The following ACTR1B variants were observed in gnomAD, a reference collection of about 807,000 sequenced individuals.
ACTR1B encodes actin related protein 1B, also known as beta-centractin.
In ACTR1B, 34 loss-of-function variants were observed where a neutral mutation model predicts 49.4. The ratio of observed to expected loss-of-function variants is 0.69; its 90% CI spans 0.52 to 0.92. The LOEUF is 0.92. ACTR1B is among the 40% of genes least tolerant of loss of function. ACTR1B has a pLI of 0.00. For missense variants in ACTR1B, 471 were observed against 522.4 expected (o/e 0.90, Z 0.96); for synonymous variants, 207 against 207.8 (o/e 1.00, Z 0.03).
chr2:97,660,839 G>A (rs1674993421), intron 2 of ACTR1B, among the ~76,000 whole-genome samples, 193 bp from the exon 3 acceptor site: 1 of 152,200 alleles, frequency 6.6e-6, no homozygotes, highest in African/African-American at 2.4e-5. Context: ...AGGACGAGAA[G>A]CTCAGGGTCA....
intron 1 of ACTR1B, 90 bp downstream of exon 1, chr2:97,663,753 G>C: frequency 2.5e-6 from 2 of 813,502 alleles, no homozygotes; most frequent in Non-Finnish European, 3.2e-6. Flanking sequence ...AGCGGAGGAC[G>C]CGCCGAGGCG....
rs530238629 is a variant in ACTR1B, at chr2:97,658,796, A to G, written c.440+83T>C. ...ACAGTCATCAAGGGGCTGTTTTTCC[A>G]GGGAAGTCAGACCCTGGTCATGGCA... On this transcript the variant is annotated intron_variant, in intron 5 of 10. Transcript: ENST00000289228. This position sits in a 1 kb window ranked among gnomAD's most constrained non-coding sequence, Gnocchi z 5.9. 14 of 1,604,458 alleles carry G rather than the reference A, an allele frequency of 8.7e-6. No individual in the cohort carries two copies. The Admixed American group carries it at 2.0e-4, about 23-fold the overall frequency.
In ACTR1B at chr2:97,658,704, G is replaced by A; in HGVS notation, c.441-61C>T. The A allele has an allele frequency of 6.3e-7, 1 of 1,599,540 alleles. No homozygotes were observed. The highest frequency in any genetic ancestry group is 1.7e-5 in the Admixed American group (1 of 59,964). ...TGAGGCACGGGGACCTCCTCACCCA[G>A]GGGAGGAACCCTGGCACATCTGCAT... On this transcript the variant is annotated intron_variant, in intron 5 of 10. Transcript: ENST00000289228. The surrounding 1 kb of genome is among the most constrained non-coding windows in gnomAD (Gnocchi z 5.9).
At position 97,656,542 on chromosome 2, in the gene ACTR1B, G is replaced by T. The variant is rs1291116617; in HGVS notation, c.*316C>A. The T allele has an allele frequency of 1.3e-5, 4 of 307,340 alleles. No homozygotes were observed. In the East Asian group the frequency reaches 3.1e-4, roughly 24 times the overall value. 19.0% of individuals were successfully genotyped at this position (307,340 alleles called of 1,614,324 possible). A position where few individuals can be genotyped will look rare whatever the true frequency, so the allele number is the denominator to read the frequency against. ...AGGCATTCTGGCCCTGGAGCTCAGGGAGGCAGCCCTGAGAGTCGGAGCAGG... is the reference window on the plus strand; with the variant it reads ...AGGCATTCTGGCCCTGGAGCTCAGGTAGGCAGCCCTGAGAGTCGGAGCAGG... On this transcript the variant is annotated 3_prime_UTR_variant, in exon 11 of 11. Transcript: ENST00000289228.
intron 3 of ACTR1B, among the ~76,000 whole-genome samples, chr2:97,660,147 C>G: frequency 6.6e-6 from 1 of 152,354 alleles, no homozygotes; most frequent in East Asian, 1.9e-4. Flanking sequence ...GGCGCCTAAA[C>G]TGCCCTTGGC....
chr2:97,663,042 G>A (rs902829111), intron 1 of ACTR1B, among the ~76,000 whole-genome samples: 4 of 152,160 alleles, frequency 2.6e-5, no homozygotes, highest in African/African-American at 9.7e-5. Context: ...CCCGCACACC[G>A]GACGCACATA....
rs1674914495 is a variant in ACTR1B, at chr2:97,658,366, T to C, written c.658-50A>G. The C allele has an allele frequency of 6.2e-7, 1 of 1,613,092 alleles. No individual in the cohort carries two copies. Among genetic ancestry groups the C allele is most frequent in the Non-Finnish European group, 8.5e-7 (1 of 1,179,220 alleles). On this transcript the variant is annotated intron_variant, in intron 6 of 10. Coordinates refer to ENST00000289228, the MANE Select transcript of ACTR1B (RefSeq NM_005735.4). The surrounding 1 kb of genome is among the most constrained non-coding windows in gnomAD (Gnocchi z 5.9). ...CAGAAGGCTGCACCTGGGACACCTG[T>C]GCCTTGGTGCCACCCTTTCCTCACC...
rs1317888658 is a variant in ACTR1B, at chr2:97,656,639, G to T, written c.*219C>A. ...CTGACATGGCGCTCAATTCCCACAC[G>T]CCAGCTCAAGGCTCCTGTCCATGCA... On this transcript the variant is annotated 3_prime_UTR_variant, in exon 11 of 11. Coordinates refer to ENST00000289228, the MANE Select transcript of ACTR1B (RefSeq NM_005735.4). The T allele has an allele frequency of 1.1e-5, 6 of 539,930 alleles. No homozygotes were observed. Among genetic ancestry groups the T allele is most frequent in the Admixed American group, 3.2e-5 (1 of 31,224 alleles). The allele number at this position is 539,930 out of a possible 1,614,324, so 33.4% of individuals were successfully genotyped here.
Position 97,658,041 on chromosome 2 carries a change from T to C in ACTR1B, c.827A>G (p.His276Arg). Reference sequence around the variant, plus strand: ...GTGTATGGCGAAGGCCACCACCTCATGGAGCCCCTCACTCTCATCCCCGAC... The same window carrying C: ...GTGTATGGCGAAGGCCACCACCTCACGGAGCCCCTCACTCTCATCCCCGAC... ...DLVGDESEGL[H>R]EVVAFAIHKS... The change falls in exon 8 of 11, where the codon CAT (histidine) becomes CGT (arginine). Residue 276 changes from histidine to arginine, a missense_variant. Transcript: ENST00000289228. This position sits in a 1 kb window ranked among gnomAD's most constrained non-coding sequence, Gnocchi z 5.9. The C allele has an allele frequency of 6.2e-7, 1 of 1,614,124 alleles. No homozygotes were observed. The highest frequency in any genetic ancestry group is 1.1e-5 in the South Asian group (1 of 91,086).
intron 9 of ACTR1B, 63 bp from the exon 10 acceptor site, chr2:97,657,255 T>C: frequency 1.3e-6 from 2 of 1,592,836 alleles, no homozygotes; most frequent in Non-Finnish European, 1.7e-6. Flanking sequence ...CTCCCAGCCT[T>C]GGGGTCACCT....
intron 8 of ACTR1B, 44 bp downstream of exon 8, chr2:97,657,899 C>CCCTGGGCCTCGTCT (rs1469924671): frequency 6.2e-7 from 1 of 1,600,740 alleles, no homozygotes; most frequent in African/African-American, 1.3e-5. Context: ...GGTCCAGCTG[C>CCCTGGGCCTCGTCT]CCTGGGCCTC....
At chr2:97,660,724 A>C in intron 2 of ACTR1B, 78 bp from the exon 3 acceptor site, 2 of 1,418,268 alleles carry the variant, frequency 1.4e-6, no homozygotes, top group Non-Finnish European at 2.0e-6. Flanking sequence ...AAATCCAACC[A>C]TAGTCGCCCA....
At chr2:97,661,573 G>C (rs1675011778) in intron 2 of ACTR1B, among the ~76,000 whole-genome samples, 1 of 152,164 alleles carries the variant, frequency 6.6e-6, no homozygotes, top group Non-Finnish European at 1.5e-5. Context: ...CCGAGTTTAG[G>C]GCTCCCCTCG....
Position 97,659,225 on chromosome 2 carries a change from C to A in ACTR1B, c.315+127G>T. On this transcript the variant is annotated intron_variant, in intron 4 of 10. Coordinates refer to ENST00000289228, the MANE Select transcript of ACTR1B (RefSeq NM_005735.4). This position sits in a 1 kb window ranked among gnomAD's most constrained non-coding sequence, Gnocchi z 4.0. ...CTGGGTACGTATGCGCACCCAGACA[C>A]ACACGGAAAGGCAGCAGGCCCTCTA... 1 of 1,490,650 alleles carries A rather than the reference C, an allele frequency of 6.7e-7. No individual in the cohort carries two copies. Among genetic ancestry groups the A allele is most frequent in the Non-Finnish European group, 9.1e-7 (1 of 1,097,018 alleles). The allele number at this position is 1,490,650 out of a possible 1,614,324, so 92.3% of individuals were successfully genotyped here.
intron 1 of ACTR1B, 65 bp downstream of exon 1, chr2:97,663,778 C>A: frequency 8.6e-7 from 1 of 1,156,618 alleles, no homozygotes. Flanking sequence ...GGGGTCTCTC[C>A]CTGCGCCGCC....
rs1217063783 is a variant in ACTR1B, at chr2:97,658,298, T to C, written c.676A>G (p.Ile226Val). ...AGAGCCTCATCCTTCTGTGGGTTGA[T>C]GGACAGGTAGCACGCTCGCTGCGGG... The part of the protein sequence containing the change: ...TIKERACYLS[I>V]NPQKDEALET... Residue 226 changes from isoleucine to valine, a missense_variant, in exon 7 of 11, where the codon ATC becomes GTC. Transcript: ENST00000289228. This position sits in a 1 kb window ranked among gnomAD's most constrained non-coding sequence, Gnocchi z 5.9. 3.1e-6 allele frequency: 5 copies of C among 1,614,094 alleles called. No homozygotes were observed. In the African/African-American group the frequency reaches 4.0e-5, roughly 13 times the overall value.
In ACTR1B at chr2:97,659,493, G is replaced by C. The variant is rs1674955306; in HGVS notation, c.190-16C>G. 6.2e-7 allele frequency: 1 copy of C among 1,612,558 alleles called. No homozygotes were observed. Among genetic ancestry groups the C allele is most frequent in the Non-Finnish European group, 8.5e-7 (1 of 1,179,928 alleles). On this transcript the variant is annotated splice_polypyrimidine_tract_variant and intron_variant, in intron 3 of 10. Transcript: ENST00000289228. The surrounding 1 kb of genome is among the most constrained non-coding windows in gnomAD (Gnocchi z 4.0). ...CCCGGTGCTCCTGGTGGGGTGGGAA[G>C]GGAGGTGTGGCACCCGGCCCTTGCT...
In ACTR1B at chr2:97,663,937, CCGGATGGG is replaced by C; in HGVS notation, c.-55_-48del. On this transcript the variant is annotated 5_prime_UTR_variant, in exon 1 of 11. Transcript: ENST00000289228. Reference sequence around the variant, plus strand: ...CCCAGCAGGCGGGCTGCAGGAGGCACCGGATGGGCGGGCGGGCGGGAGGACCGGGACGG... The same window carrying C: ...CCCAGCAGGCGGGCTGCAGGAGGCACCGGGCGGGCGGGAGGACCGGGACGG... 1.5e-6 allele frequency: 1 copy of C among 660,400 alleles called. No homozygotes were observed. The highest frequency in any genetic ancestry group is 2.1e-6 in the Non-Finnish European group (1 of 478,968). 40.9% of individuals were successfully genotyped at this position (660,400 alleles called of 1,614,324 possible).
At position 97,655,945 on chromosome 2, in the gene ACTR1B, A is replaced by G. The variant is rs1360865358; in HGVS notation, c.*913T>C. ...ACAAACGATAGCACAGAGAGCCACA[A>G]GAAAACAGAGCCACACACTGGGCCT... On this transcript the variant is annotated 3_prime_UTR_variant, in exon 11 of 11. Coordinates refer to ENST00000289228, the MANE Select transcript of ACTR1B (RefSeq NM_005735.4). 6.6e-6 allele frequency: 1 copy of G among 152,290 alleles called. No individual in the cohort carries two copies. The highest frequency in any genetic ancestry group is 1.5e-5 in the Non-Finnish European group (1 of 68,076). 9.4% of individuals were successfully genotyped at this position (152,290 alleles called of 1,614,324 possible).
Sources: gnomAD v4.1 joint callset for allele counts (sites outside exome capture counted in the v4.1 genomes callset) on GRCh38, gnomAD v4.1.1 for gene constraint, Gnocchi (gnomAD v3.1) non-coding constraint, MANE v1.5 for transcripts, NCBI Gene and HGNC (gene_info 2026-07-23, HGNC 2026-07-21) for gene names.